ARID3A: variants seen among roughly 807,000 people sequenced by gnomAD.
The protein encoded by ARID3A is AT-rich interactive domain-containing protein 3A.
ARID3A carries 11 observed loss-of-function variants against 52.7 expected under a neutral mutation model. The observed-to-expected ratio is 0.21, with a 90% CI of 0.13 to 0.35. The LOEUF (loss-of-function observed/expected upper bound fraction) is 0.35, where lower values mean the gene tolerates loss of function less well. ARID3A is among the 10% of genes least tolerant of loss of function. The probability of loss-of-function intolerance (pLI) is 1.00; values close to 1 mark genes in which losing one functional copy is unlikely to be tolerated. For missense variants in ARID3A, 721 were observed against 838.5 expected (o/e 0.86, Z 1.73); for synonymous variants, 404 against 359.4 (o/e 1.12, Z -1.40).
Position 964,930 on chromosome 19 carries a change from C to T in ARID3A, c.1048C>T (p.Arg350Trp). The change falls in exon 6 of 9, where the codon CGG (arginine) becomes TGG (tryptophan). Residue 350 changes from arginine (R) to tryptophan (W), a missense_variant. By Grantham distance (101) the Arg-to-Trp change is moderately radical (BLOSUM62 -3). Around this residue, in one of 5 missense-constraint regions of ARID3A, gnomAD observed 297 missense variants for 343.2 expected, o/e 0.87. Transcript: ENST00000263620. This position sits in a 1 kb window ranked among gnomAD's most constrained non-coding sequence, Gnocchi z 5.7. ...CATAGACAGCAACCGACGGGAGGGC[C>T]GGCGCCAGAGCTTTGGTGGCTCCCT... The part of the protein sequence containing the change: ...AAIDSNRREG[R>W]RQSFGGSLFA... 8 of 1,613,952 alleles carry T rather than the reference C, an allele frequency of 5.0e-6. No homozygotes were observed. Among genetic ancestry groups the T allele is most frequent in the East Asian group, 2.2e-5 (1 of 44,880 alleles).
rs1386316504 is a variant in ARID3A, at chr19:944,671, G to A, written c.693+11929G>A. On this transcript the variant is annotated intron_variant, in intron 3 of 8. Transcript: ENST00000263620. The surrounding 1 kb of genome is among the most constrained non-coding windows in gnomAD (Gnocchi z 5.9). The stretch of plus-strand genomic sequence containing the variant: ...GACAGGGTCTCGTGCTGTCACCCAG[G>A]CTGGAGTGCCGCGGTGCAGTCATAG... Among the ~76,000 whole-genome samples the A allele has an allele frequency of 6.6e-6, 1 of 152,174 alleles. No individual in the cohort carries two copies. The highest frequency in any genetic ancestry group is 2.1e-4 in the South Asian group (1 of 4,834).
rs2037486087 is a variant in ARID3A at position 938,784 on chromosome 19, C to T, written c.693+6042C>T. Among the ~76,000 whole-genome samples the T allele has an allele frequency of 1.3e-5, 2 of 152,306 alleles. No homozygotes were observed. Among genetic ancestry groups the T allele is most frequent in the African/African-American group, 4.8e-5 (2 of 41,576 alleles). On this transcript the variant is annotated intron_variant, in intron 3 of 8. Coordinates refer to ENST00000263620, the MANE Select transcript of ARID3A (RefSeq NM_005224.3). The surrounding 1 kb of genome is among the most constrained non-coding windows in gnomAD (Gnocchi z 4.0). ...AGCCCCAGAGACCGCTGGGTCCTCA[C>T]CACGGTGCCTGCCAGGCAGCTCTCG...
intron 8 of ARID3A, 35 bp downstream of exon 8, chr19:968,538 C>T (rs753551629): frequency 5.0e-5 from 80 of 1,591,438 alleles, no homozygotes; most frequent in South Asian, 1.8e-4. Context: ...GCCTGGACCT[C>T]GCCTCTCCCG....
chr19:930,619 C>T (rs557665590), intron 2 of ARID3A, among the ~76,000 whole-genome samples: 4 of 150,302 alleles, frequency 2.7e-5, no homozygotes, highest in South Asian at 4.2e-4. Flanking sequence ...ACACCATTCT[C>T]CTGCCTCAGC....
At chr19:935,305 G>A (rs1023477283) in intron 3 of ARID3A, among the ~76,000 whole-genome samples, 1 of 152,168 alleles carries the variant, frequency 6.6e-6, no homozygotes, top group Non-Finnish European at 1.5e-5. Context: ...TCTTTCCTTG[G>A]ACACCTGGAA....
intron 3 of ARID3A, among the ~76,000 whole-genome samples, chr19:955,109 G>A (rs1404084966): frequency 6.6e-6 from 1 of 152,158 alleles, no homozygotes; most frequent in Non-Finnish European, 1.5e-5. Flanking sequence ...TGAGAACCAA[G>A]GCCTGGGTTT....
Position 929,962 on chromosome 19 carries a change from T to A in ARID3A, c.368+66T>A. 1 of 1,527,448 alleles carries A rather than the reference T, an allele frequency of 6.5e-7. No individual in the cohort carries two copies. The highest frequency in any genetic ancestry group is 2.5e-5 in the East Asian group (1 of 40,670). The allele number at this position is 1,527,448 out of a possible 1,614,324, so 94.6% of individuals were successfully genotyped here. A position where few individuals can be genotyped will look rare whatever the true frequency, so the allele number is the denominator to read the frequency against. On this transcript the variant is annotated intron_variant, in intron 2 of 8. Transcript: ENST00000263620. The surrounding 1 kb of genome is among the most constrained non-coding windows in gnomAD (Gnocchi z 6.2). ...CTGGCTCTGAGTGTCACTCTGCTCA[T>A]CTGCAGAATGGGAGTAAGGGTCAGG...
At chr19:940,968 G>A (rs536492764) in intron 3 of ARID3A, among the ~76,000 whole-genome samples, 29 of 152,188 alleles carry the variant, frequency 1.9e-4, no homozygotes, top group African/African-American at 5.5e-4. Flanking sequence ...GCCCGTGCCC[G>A]TGCCAGGAGC....
chr19:956,096 G>A lies in ARID3A; in HGVS notation c.694-3996G>A, dbSNP rs934591979. ...TCTCAATTTGATCACGTCTGCAAAG[G>A]CCCTTTTTCCAAATAACGTCTCGTT... On this transcript the variant is annotated intron_variant, in intron 3 of 8. Coordinates refer to ENST00000263620, the MANE Select transcript of ARID3A (RefSeq NM_005224.3). Among the ~76,000 whole-genome samples, 4 of 152,250 alleles carry A rather than the reference G, an allele frequency of 2.6e-5. No individual in the cohort carries two copies. The East Asian group carries it at 7.7e-4, about 29-fold the overall frequency.
chr19:934,037 G>C (rs562919755), intron 3 of ARID3A, among the ~76,000 whole-genome samples: 19 of 152,328 alleles, frequency 1.2e-4, no homozygotes, highest in East Asian at 1.9e-4. Context: ...AGCATGCTGA[G>C]AGTGGATTCT....
At chr19:951,088 C>T (rs1041563572) in intron 3 of ARID3A, among the ~76,000 whole-genome samples, 1 of 152,002 alleles carries the variant, frequency 6.6e-6, no homozygotes, top group African/African-American at 2.4e-5. Flanking sequence ...TCCCTAAGTG[C>T]TGGGATTACA....
Position 947,130 on chromosome 19 carries a change from G to A in ARID3A, c.694-12962G>A, listed in dbSNP as rs1466588466. On this transcript the variant is annotated intron_variant, in intron 3 of 8. Transcript: ENST00000263620. This position sits in a 1 kb window ranked among gnomAD's most constrained non-coding sequence, Gnocchi z 6.3. ...TTCTGCATTGAAATGTTTGCTGGGTGCCCCCCATTGCTGGGCACCGTGGGG... is the reference window on the plus strand; with the variant it reads ...TTCTGCATTGAAATGTTTGCTGGGTACCCCCCATTGCTGGGCACCGTGGGG... Among the ~76,000 whole-genome samples the A allele has an allele frequency of 6.6e-6, 1 of 152,080 alleles. No homozygotes were observed. The highest frequency in any genetic ancestry group is 1.5e-5 in the Non-Finnish European group (1 of 67,986).
intron 3 of ARID3A, among the ~76,000 whole-genome samples, chr19:955,709 A>AGG (rs148915291): frequency 5.3e-5 from 8 of 152,048 alleles, no homozygotes. Context: ...GTGCCAGGGA[A>AGG]GGGGGGGTCC....
At chr19:968,594 T>A in intron 8 of ARID3A, 91 bp downstream of exon 8, 2 of 1,227,900 alleles carry the variant, frequency 1.6e-6, no homozygotes, top group Non-Finnish European at 2.4e-6. Context: ...CCCACCTGCT[T>A]GAACCTAGGT....
At chr19:961,858 G>T (rs1473985554) in intron 4 of ARID3A, 1 of 152,250 alleles carries the variant, frequency 6.6e-6, no homozygotes, top group East Asian at 1.9e-4. Context: ...GGCAGAGGTT[G>T]CAGTGAGCCG....
In ARID3A at chr19:964,127, T is replaced by C. The variant is rs2038098203; in HGVS notation, c.767-121T>C. 2.6e-6 allele frequency: 2 copies of C among 763,914 alleles called. No homozygotes were observed. The highest frequency in any genetic ancestry group is 3.5e-5 in the South Asian group (2 of 56,458). The allele number at this position is 763,914 out of a possible 1,614,324, so 47.3% of individuals were successfully genotyped here. On this transcript the variant is annotated intron_variant, in intron 4 of 8. Transcript: ENST00000263620. The surrounding 1 kb of genome is among the most constrained non-coding windows in gnomAD (Gnocchi z 5.7). ...GGGCCCTGGGCAATGTCTGGAGACA[T>C]CTGTGGTTGTCACAGCCTGGGCGGG...
At chr19:948,244 G>C (rs2145408346) in intron 3 of ARID3A, among the ~76,000 whole-genome samples, 1 of 151,376 alleles carries the variant, frequency 6.6e-6, no homozygotes, top group East Asian at 1.9e-4. Flanking sequence ...ATACAAGATA[G>C]TCCAGGACAC....
At chr19:957,242 C>G (rs925014611) in intron 3 of ARID3A, among the ~76,000 whole-genome samples, 6 of 152,128 alleles carry the variant, frequency 3.9e-5, no homozygotes, top group Non-Finnish European at 5.9e-5. Flanking sequence ...CAGAGGCGGT[C>G]GGTGGCTCAT....
chr19:969,802 C>G (rs1244224592), intron 8 of ARID3A, among the ~76,000 whole-genome samples: 2 of 151,002 alleles, frequency 1.3e-5, no homozygotes, highest in African/African-American at 4.9e-5. Flanking sequence ...ATTCTCCTGC[C>G]TCAGCCTCCC....
Sources: gnomAD v4.1 joint callset for allele counts (sites outside exome capture counted in the v4.1 genomes callset) on GRCh38, gnomAD v4.1.1 for gene constraint, gnomAD v4.1.1 regional missense constraint, Gnocchi (gnomAD v3.1) non-coding constraint, MANE v1.5 for transcripts, NCBI Gene and HGNC (gene_info 2026-07-23, HGNC 2026-07-21) for gene names.